The following ATP11A variants were observed in gnomAD, a reference collection of about 807,000 sequenced individuals.
ATP11A encodes phospholipid-transporting ATPase IH.
ATP11A carries 81 observed loss-of-function variants against 154.4 expected under a neutral mutation model. The observed-to-expected ratio is 0.52, with a 90% CI of 0.44 to 0.63. ATP11A has a LOEUF of 0.63. Among genes scored for constraint, ATP11A ranks in the 30% least tolerant of loss-of-function variants. ATP11A has a pLI of 0.00. For synonymous variants in ATP11A, 623 were observed against 585.9 expected, an observed-to-expected ratio of 1.06 and a Z score of -0.91; for missense variants, 1,316 against 1,474.3, an observed-to-expected ratio of 0.89 and a Z score of 1.76.
At position 112,819,851 on chromosome 13, in the gene ATP11A, G is replaced by A. The variant is rs565324258; in HGVS notation, c.675-49G>A. 96 of 1,607,680 alleles carry A rather than the reference G, an allele frequency of 6.0e-5. No homozygotes were observed. The South Asian group carries it at 7.2e-4, about 12-fold the overall frequency. The stretch of plus-strand genomic sequence containing the variant: ...CAGGTGGGCCAGGCGCGCGCTTCCC[G>A]GGGGCCGCTGGGCGCGTCCGGTCAG... On this transcript the variant is annotated intron_variant, in intron 7 of 29. Coordinates refer to ENST00000375645, the MANE Select transcript of ATP11A (RefSeq NM_015205.3).
intron 2 of ATP11A, among the ~76,000 whole-genome samples, chr13:112,794,605 C>T (rs1326066194): frequency 6.6e-6 from 1 of 152,212 alleles, no homozygotes; most frequent in African/African-American, 2.4e-5. Flanking sequence ...CGCAGTGGCT[C>T]ACACCTGTAA....
chr13:112,862,004 T>TGTCACAGCAGGCGTAAGGC (rs151214206), intron 24 of ATP11A, among the ~76,000 whole-genome samples: 31 of 152,062 alleles, frequency 2.0e-4, no homozygotes, highest in South Asian at 4.1e-4. Flanking sequence ...AGGCGTAAGG[T>TGTCACAGCAGGCGTAAGGC]GTCACAGCAG....
chr13:112,690,504 G>T lies in ATP11A; in HGVS notation c.39+49G>T. ...GGGGACCCGGGGACCAGACAGACGC[G>T]GGCCGGCCCCGCAGCCCGGACCCTG... On this transcript the variant is annotated intron_variant, in intron 1 of 29. Coordinates refer to ENST00000375645, the MANE Select transcript of ATP11A (RefSeq NM_015205.3). This position sits in a 1 kb window ranked among gnomAD's most constrained non-coding sequence, Gnocchi z 5.6. 4 of 1,280,350 alleles carry T rather than the reference G, an allele frequency of 3.1e-6. No individual in the cohort carries two copies. Among genetic ancestry groups the T allele is most frequent in the Non-Finnish European group, 3.0e-6 (3 of 1,013,808 alleles). The allele number at this position is 1,280,350 out of a possible 1,614,324, so 79.3% of individuals were successfully genotyped here.
rs1398190938 is a variant in ATP11A, at chr13:112,697,693, G to T, written c.39+7238G>T. Among the ~76,000 whole-genome samples, 2 of 150,524 alleles carry T rather than the reference G, an allele frequency of 1.3e-5. No homozygotes were observed. The highest frequency in any genetic ancestry group is 2.1e-4 in the South Asian group (1 of 4,766). On this transcript the variant is annotated intron_variant, in intron 1 of 29. Coordinates refer to ENST00000375645, the MANE Select transcript of ATP11A (RefSeq NM_015205.3). This position sits in a 1 kb window ranked among gnomAD's most constrained non-coding sequence, Gnocchi z 4.0. The stretch of plus-strand genomic sequence containing the variant: ...AGCAGTTCTCTTGCCTCAGACTCCT[G>T]AGTAGCTGGGATTTGTGCCACGACG...
At chr13:112,878,166 A>C (rs2140441154) in intron 28 of ATP11A, 51 bp from the exon 29 acceptor site, 1 of 1,547,978 alleles carries the variant, frequency 6.5e-7, no homozygotes, top group Non-Finnish European at 8.9e-7. Flanking sequence ...CTAAATCCTC[A>C]CACCTTGTTC....
intron 1 of ATP11A, among the ~76,000 whole-genome samples, chr13:112,739,700 A>G (rs1024212097): frequency 2.6e-5 from 4 of 152,246 alleles, no homozygotes; most frequent in Admixed American, 6.5e-5. Context: ...AGCATTATTC[A>G]TCATAGCCAA....
chr13:112,751,961 G>A (rs1262896443), intron 1 of ATP11A, among the ~76,000 whole-genome samples: 1 of 152,196 alleles, frequency 6.6e-6, no homozygotes, highest in African/African-American at 2.4e-5. Flanking sequence ...ATATGTCATT[G>A]CATCTTTGTA....
At chr13:112,870,811 C>A (rs546021446) in intron 25 of ATP11A, among the ~76,000 whole-genome samples, 1 of 152,390 alleles carries the variant, frequency 6.6e-6, no homozygotes, top group East Asian at 1.9e-4. Flanking sequence ...AGTTTCCAGT[C>A]GGGGGTTTTC....
Position 112,883,465 on chromosome 13 carries a change from C to A in ATP11A, c.*1599C>A. 1 of 355,568 alleles carries A rather than the reference C, an allele frequency of 2.8e-6. No individual in the cohort carries two copies. Among genetic ancestry groups the A allele is most frequent in the Non-Finnish European group, 5.0e-6 (1 of 199,446 alleles). The allele number at this position is 355,568 out of a possible 1,614,324, so 22.0% of individuals were successfully genotyped here. Reference sequence around the variant, plus strand: ...CCGCGCCACGCTGTGGAACGGGGCTCCGGCAAGTGAAACCCAGAGGGTGTT... The same window carrying A: ...CCGCGCCACGCTGTGGAACGGGGCTACGGCAAGTGAAACCCAGAGGGTGTT... On this transcript the variant is annotated 3_prime_UTR_variant, in exon 30 of 30. Transcript: ENST00000375645.
rs1375682390 is a variant in ATP11A at position 112,859,194 on chromosome 13, G to A, written c.2668-199G>A. 1 of 597,992 alleles carries A rather than the reference G, an allele frequency of 1.7e-6. No individual in the cohort carries two copies. The highest frequency in any genetic ancestry group is 3.0e-6 in the Non-Finnish European group (1 of 330,238). 37.0% of individuals were successfully genotyped at this position (597,992 alleles called of 1,614,324 possible). ...ATTTCCTCTATACGTTGTCTGTCCT[G>A]AGTGGCCAAAACGTGGTCACATGTG... On this transcript the variant is annotated intron_variant, in intron 22 of 29. Transcript: ENST00000375645. The surrounding 1 kb of genome is among the most constrained non-coding windows in gnomAD (Gnocchi z 4.3).
rs1218091774 is a variant in ATP11A, at chr13:112,882,129, G to C, written c.*263G>C. 1 of 1,329,960 alleles carries C rather than the reference G, an allele frequency of 7.5e-7. No individual in the cohort carries two copies. The highest frequency in any genetic ancestry group is 1.9e-5 in the Admixed American group (1 of 51,444). The allele number at this position is 1,329,960 out of a possible 1,614,324, so 82.4% of individuals were successfully genotyped here. A position where few individuals can be genotyped will look rare whatever the true frequency, so the allele number is the denominator to read the frequency against. ...TTCCTGGCCCCCAGCAGGCAAGGAGGGGGGTCACAGGCCTTGCCCTCGAGC... is the reference window on the plus strand; with the variant it reads ...TTCCTGGCCCCCAGCAGGCAAGGAGCGGGGTCACAGGCCTTGCCCTCGAGC... On this transcript the variant is annotated 3_prime_UTR_variant, in exon 30 of 30. Transcript: ENST00000375645. The surrounding 1 kb of genome is among the most constrained non-coding windows in gnomAD (Gnocchi z 5.1).
chr13:112,845,677 AGCG>A, intron 17 of ATP11A, among the ~76,000 whole-genome samples: 2 of 124,188 alleles, frequency 1.6e-5, no homozygotes, highest in African/African-American at 7.7e-5. Context: ...ACCAGGCACT[AGCG>A]GTACTAACCA....
chr13:112,710,696 C>T (rs1465422832), intron 1 of ATP11A, among the ~76,000 whole-genome samples: 1 of 152,194 alleles, frequency 6.6e-6, no homozygotes, highest in Admixed American at 6.5e-5. Flanking sequence ...ATGGGGAGGG[C>T]GTTCACAGGT....
intron 25 of ATP11A, among the ~76,000 whole-genome samples, chr13:112,866,037 A>T (rs1181615640): frequency 6.6e-6 from 1 of 152,174 alleles, no homozygotes; most frequent in African/African-American, 2.4e-5. Context: ...GTAGATTTGT[A>T]GTTTTCTAGC....
intron 25 of ATP11A, among the ~76,000 whole-genome samples, chr13:112,867,140 C>G (rs938353945): frequency 1.3e-5 from 2 of 152,160 alleles, no homozygotes; most frequent in Admixed American, 6.5e-5. Context: ...TAGCAAGTCC[C>G]CTTTTTCCCA....
intron 1 of ATP11A, among the ~76,000 whole-genome samples, chr13:112,729,011 G>A (rs1890204187): frequency 6.6e-6 from 1 of 152,166 alleles, no homozygotes; most frequent in South Asian, 2.1e-4. Flanking sequence ...TCACGTTGGC[G>A]ACATTTAGGA....
At chr13:112,806,593 G>A (rs989008639) in intron 4 of ATP11A, among the ~76,000 whole-genome samples, 1 of 152,112 alleles carries the variant, frequency 6.6e-6, no homozygotes, top group South Asian at 2.1e-4. Context: ...ATCCTTGACT[G>A]TCTTGACCAC....
rs376955314 is a variant in ATP11A, at chr13:112,760,658, TC to T, written c.40-24474del. 3.3e-4 allele frequency among the ~76,000 whole-genome samples: 51 copies of T among 152,340 alleles called. No individual in the cohort carries two copies. In the East Asian group the frequency reaches 9.4e-3, roughly 28 times the overall value. On this transcript the variant is annotated intron_variant, in intron 1 of 29. Coordinates refer to ENST00000375645, the MANE Select transcript of ATP11A (RefSeq NM_015205.3). ...TTCTTGCTCAGAGGCTGGAAGAACT[TC>T]CCATGCACCAGGTCATGTTTGCGTA...
chr13:112,819,331 G>T lies in ATP11A; in HGVS notation c.598G>T (p.Gly200Cys), dbSNP rs768464488. Residue 200 changes from glycine to cysteine, a missense_variant, in exon 7 of 30, where the codon GGC (glycine) becomes TGC (cysteine). Around this residue, in one of 5 missense-constraint regions of ATP11A, gnomAD observed 876 missense variants for 1,006.8 expected, o/e 0.87. Coordinates refer to ENST00000375645, the MANE Select transcript of ATP11A (RefSeq NM_015205.3). ...GCATTACGCGGTCCAGGACACCAAA[G>T]GCTTCCACACAGAGGAGGATATCGG... The part of the protein sequence containing the change: ...KTHYAVQDTK[G>C]FHTEEDIGGL... 2 of 1,614,234 alleles carry T rather than the reference G, an allele frequency of 1.2e-6. No homozygotes were observed. Among genetic ancestry groups the T allele is most frequent in the Non-Finnish European group, 8.5e-7 (1 of 1,180,042 alleles).
Sources: gnomAD v4.1 joint callset for allele counts (sites outside exome capture counted in the v4.1 genomes callset) on GRCh38, gnomAD v4.1.1 for gene constraint, gnomAD v4.1.1 regional missense constraint, Gnocchi (gnomAD v3.1) non-coding constraint, MANE v1.5 for transcripts, NCBI Gene and HGNC (gene_info 2026-07-23, HGNC 2026-07-21) for gene names.